Variants in COL14A1 observed in about 807,000 individuals in gnomAD.
COL14A1 encodes the protein collagen type XIV alpha 1 chain.
In COL14A1, 136 loss-of-function variants were observed where a neutral mutation model predicts 230.3. The observed-to-expected ratio is 0.59, with a 90% confidence interval of 0.51 to 0.68. The LOEUF is 0.68. Among genes scored for constraint, COL14A1 ranks in the 30% least tolerant of loss-of-function variants. COL14A1 has a pLI of 0.00. For missense variants in COL14A1, 1,976 were observed against 2,215.8 expected, an observed-to-expected ratio of 0.89 and a Z score of 2.17; for synonymous variants, 792 against 784.1, an observed-to-expected ratio of 1.01 and a Z score of -0.17.
At chr8:120,358,252 T>C (rs778303171) in intron 45 of COL14A1, among the ~76,000 whole-genome samples, 3 of 152,210 alleles carry the variant, frequency 2.0e-5, no homozygotes, top group Non-Finnish European at 4.4e-5. Context: ...TGTCATTCAA[T>C]ACCCAGATAG....
chr8:120,289,771 G>A lies in COL14A1; in HGVS notation c.4236+5G>A. The A allele has an allele frequency of 1.9e-6, 3 of 1,611,808 alleles. No homozygotes were observed. The highest frequency in any genetic ancestry group is 2.5e-6 in the Non-Finnish European group (3 of 1,179,018). ...CCAGGTGGAAACTCTGCACCGGTAA[G>A]TGAATAAACCCGTGAAGCTGTGTTA... On this transcript the variant is annotated splice_donor_5th_base_variant and intron_variant, in intron 34 of 47. Coordinates refer to ENST00000297848, the MANE Select transcript of COL14A1 (RefSeq NM_021110.4).
chr8:120,228,563 C>A (rs1818163975), intron 17 of COL14A1, 147 bp from the exon 18 acceptor site: 5 of 601,432 alleles, frequency 8.3e-6, no homozygotes, highest in South Asian at 2.3e-5. Context: ...ACTTACAATT[C>A]ATTTCTTTCG....
intron 20 of COL14A1, among the ~76,000 whole-genome samples, chr8:120,246,646 G>A (rs1246842679): frequency 6.6e-6 from 1 of 152,178 alleles, no homozygotes; most frequent in East Asian, 1.9e-4. Context: ...TTACAGAAAT[G>A]CCATTACGTC....
At chr8:120,223,897 A>T (rs1015426553) in intron 14 of COL14A1, among the ~76,000 whole-genome samples, 1 of 151,924 alleles carries the variant, frequency 6.6e-6, no homozygotes, top group Non-Finnish European at 1.5e-5. Flanking sequence ...GGCCCCATAT[A>T]TGTGGTCTAC....
At chr8:120,305,349 T>C (rs1820826909) in intron 36 of COL14A1, among the ~76,000 whole-genome samples, 6 of 152,158 alleles carry the variant, frequency 3.9e-5, no homozygotes, top group Admixed American at 2.0e-4. Context: ...ACTAATAATT[T>C]ACCACCAATA....
chr8:120,310,081 C>T lies in COL14A1; in HGVS notation c.4455+19C>T, dbSNP rs1454629367. On this transcript the variant is annotated intron_variant, in intron 37 of 47. Transcript: ENST00000297848. ...TCCAAAGGTAATGCGCATGTTTTCT[C>T]TCTCTCTCTGTCTCATCTCTCTCTC... is the stretch of plus-strand genomic sequence containing the variant. 6.2e-7 allele frequency: 1 copy of T among 1,610,652 alleles called. No individual in the cohort carries two copies. The highest frequency in any genetic ancestry group is 1.1e-5 in the South Asian group (1 of 90,698).
chr8:120,331,971 A>G lies in COL14A1; in HGVS notation c.4660-170A>G, dbSNP rs552743358. ...ACAATTTAATGGAGCCAACAGTCACAAAACCTTGCCAAAAACAATTTCCAT... is the reference window on the plus strand; with the variant it reads ...ACAATTTAATGGAGCCAACAGTCACGAAACCTTGCCAAAAACAATTTCCAT... On this transcript the variant is annotated intron_variant, in intron 40 of 47. Transcript: ENST00000297848. Among the ~76,000 whole-genome samples the G allele has an allele frequency of 2.0e-5, 3 of 152,346 alleles. No individual in the cohort carries two copies. The East Asian group carries it at 5.8e-4, about 29-fold the overall frequency.
At chr8:120,239,363 T>G (rs1818547822) in intron 19 of COL14A1, among the ~76,000 whole-genome samples, 2 of 152,234 alleles carry the variant, frequency 1.3e-5, no homozygotes, top group African/African-American at 4.8e-5. Context: ...AGTATAACAT[T>G]ATCATTCCTT....
intron 40 of COL14A1, among the ~76,000 whole-genome samples, 186 bp downstream of exon 40, chr8:120,316,183 C>T (rs945869472): frequency 3.3e-5 from 5 of 152,172 alleles, no homozygotes; most frequent in African/African-American, 4.8e-5. Flanking sequence ...TTCATTACTT[C>T]GTCAAACCCT....
chr8:120,300,579 A>C (rs1820679471), intron 35 of COL14A1, among the ~76,000 whole-genome samples, 153 bp from the exon 36 acceptor site: 1 of 152,146 alleles, frequency 6.6e-6, no homozygotes, highest in South Asian at 2.1e-4. Flanking sequence ...CTTTACAGAA[A>C]AGATTTTGTA....
In COL14A1 at chr8:120,371,740, T is replaced by A; in HGVS notation, c.*509T>A. 2.5e-6 allele frequency: 1 copy of A among 397,090 alleles called. No homozygotes were observed. The highest frequency in any genetic ancestry group is 4.4e-6 in the Non-Finnish European group (1 of 224,768). 24.6% of individuals were successfully genotyped at this position (397,090 alleles called of 1,614,324 possible). ...CTTGTTTAATTGATCTGTCCAACTCTGAGATCACTTGGTAACTGGTTTCAT... is the reference window on the plus strand; with the variant it reads ...CTTGTTTAATTGATCTGTCCAACTCAGAGATCACTTGGTAACTGGTTTCAT... On this transcript the variant is annotated 3_prime_UTR_variant, in exon 48 of 48. Transcript: ENST00000297848.
At chr8:120,174,079 G>A (rs1337174428) in intron 5 of COL14A1, among the ~76,000 whole-genome samples, 1 of 152,112 alleles carries the variant, frequency 6.6e-6, no homozygotes, top group Non-Finnish European at 1.5e-5. Flanking sequence ...GTCTACAAAA[G>A]GATGACACTG....
chr8:120,227,770 T>C (rs1206467366), intron 17 of COL14A1, among the ~76,000 whole-genome samples: 1 of 152,226 alleles, frequency 6.6e-6, no homozygotes, highest in East Asian at 1.9e-4. Context: ...TTTTCCAAGT[T>C]GATATTGGTT....
chr8:120,175,618 T>C (rs1374773491), intron 5 of COL14A1, among the ~76,000 whole-genome samples: 1 of 152,206 alleles, frequency 6.6e-6, no homozygotes, highest in Non-Finnish European at 1.5e-5. Flanking sequence ...AAGGTTTTAT[T>C]GGAACACAGC....
intron 46 of COL14A1, among the ~76,000 whole-genome samples, chr8:120,368,729 A>G (rs550318925): frequency 2.0e-5 from 3 of 152,300 alleles, no homozygotes; most frequent in Non-Finnish European, 4.4e-5. Context: ...TTGGATTAGT[A>G]TATTGGGTCG....
At chr8:120,240,983 C>T (rs1192121193) in intron 19 of COL14A1, among the ~76,000 whole-genome samples, 1 of 152,106 alleles carries the variant, frequency 6.6e-6, no homozygotes, top group Non-Finnish European at 1.5e-5. Context: ...GAAGGTCTCT[C>T]ATTTATTTTA....
intron 22 of COL14A1, among the ~76,000 whole-genome samples, 197 bp downstream of exon 22, chr8:120,250,963 A>G (rs778220166): frequency 2.0e-4 from 31 of 152,138 alleles, no homozygotes; most frequent in Non-Finnish European, 8.8e-5. Flanking sequence ...ACAAGACACC[A>G]TGCCCAGTTA....
intron 33 of COL14A1, among the ~76,000 whole-genome samples, chr8:120,287,487 A>G (rs1820239894): frequency 6.6e-6 from 1 of 152,208 alleles, no homozygotes; most frequent in South Asian, 2.1e-4. Context: ...GAGTGTTAAA[A>G]GAAACATTGT....
intron 42 of COL14A1, 39 bp from the exon 43 acceptor site, chr8:120,341,286 C>G (rs561898131): frequency 6.2e-7 from 1 of 1,600,972 alleles, no homozygotes; most frequent in African/African-American, 1.3e-5. Context: ...TAGCTAAGTG[C>G]AATATCATAA....
Sources: allele counts gnomAD v4.1 joint callset (sites outside exome capture counted in the v4.1 genomes callset), GRCh38; gene constraint gnomAD v4.1.1; transcripts MANE v1.5; gene names NCBI Gene and HGNC (gene_info 2026-07-23, HGNC 2026-07-21).